Variants in UGGT2 observed in about 807,000 individuals in gnomAD.
The protein encoded by UGGT2 is UDP-glucose glycoprotein glucosyltransferase 2.
Under a neutral mutation model 192.1 loss-of-function variants are expected in UGGT2, and 180 were observed. That is an observed-to-expected ratio of 0.94 (90% CI 0.83 to 1.06). The LOEUF (loss-of-function observed/expected upper bound fraction) is 1.06. Among genes scored for constraint, UGGT2 ranks in the 50% least tolerant of loss-of-function variants. The pLI is 0.00. For synonymous variants in UGGT2, 580 were observed against 591.0 expected (o/e 0.98, Z 0.27); for missense variants, 1,849 against 1,795.7 (o/e 1.03, Z -0.54).
At chr13:96,046,825 T>C (rs1303822102) in intron 1 of UGGT2, among the ~76,000 whole-genome samples, 2 of 152,220 alleles carry the variant, frequency 1.3e-5, no homozygotes, top group African/African-American at 2.4e-5. Flanking sequence ...GATTATATCC[T>C]GCGCATGGCT....
chr13:95,951,831 G>A (rs1020044476), intron 12 of UGGT2, among the ~76,000 whole-genome samples: 1 of 152,082 alleles, frequency 6.6e-6, no homozygotes, highest in Non-Finnish European at 1.5e-5. Flanking sequence ...AGCCTGAGGT[G>A]GGTGGATCAT....
At chr13:95,887,360 C>T in intron 26 of UGGT2, 1 of 498,168 alleles carries the variant, frequency 2.0e-6, no homozygotes. Context: ...GATTCTGATC[C>T]ACAAAGAAGA....
rs1889966236 is a variant in UGGT2 at position 95,859,637 on chromosome 13, G to A, written c.3779C>T (p.Pro1260Leu). Residue 1260 changes from proline (P) to leucine (L), a missense_variant, in exon 33 of 39, where the codon CCA becomes CTA. By Grantham distance (98) the Pro-to-Leu change is moderately conservative (BLOSUM62 -3). Coordinates refer to ENST00000376747, the MANE Select transcript of UGGT2 (RefSeq NM_020121.4). ...MLSVLRNTKTPVKFWLLKNYL... is the reference protein window; with the variant it reads ...MLSVLRNTKTLVKFWLLKNYL... ...ATTTTTTAGCAACCAGAATTTCACT[G>A]GTGTTTTGGTGTTACGCAAAACAGA... 6.2e-7 allele frequency: 1 copy of A among 1,609,918 alleles called. No homozygotes were observed. The highest frequency in any genetic ancestry group is 8.5e-7 in the Non-Finnish European group (1 of 1,177,818).
At chr13:95,908,849 C>A (rs2048379029) in intron 20 of UGGT2, among the ~76,000 whole-genome samples, 1 of 124,696 alleles carries the variant, frequency 8.0e-6, no homozygotes, top group East Asian at 2.2e-4. Context: ...GGATATTAGC[C>A]CTTTGTCAGA....
In UGGT2 at chr13:96,053,300, T is replaced by G; in HGVS notation, c.13A>C (p.Lys5Gln). 1 of 1,579,150 alleles carries G rather than the reference T, an allele frequency of 6.3e-7. No individual in the cohort carries two copies. Among genetic ancestry groups the G allele is most frequent in the South Asian group, 1.1e-5 (1 of 87,520 alleles). ...AGCAGCCGCACCACGTTCGTGGCTTTCGCTGGCGCCATGGCACGGAGAGAA... is the reference window on the plus strand; with the variant it reads ...AGCAGCCGCACCACGTTCGTGGCTTGCGCTGGCGCCATGGCACGGAGAGAA... Reference protein sequence around the residue: MAPAKATNVVRLLLG... With the variant: MAPAQATNVVRLLLG... Residue 5 changes from lysine to glutamine, a missense_variant, in exon 1 of 39, where the codon AAA (lysine) becomes CAA (glutamine). Lys to Gln is a moderately conservative substitution (Grantham distance 53). Coordinates refer to ENST00000376747, the MANE Select transcript of UGGT2 (RefSeq NM_020121.4).
chr13:95,890,901 T>C lies in UGGT2; in HGVS notation c.2919A>G (p.Pro973=), dbSNP rs1594245930. The C allele has an allele frequency of 6.2e-7, 1 of 1,613,090 alleles. No homozygotes were observed. The highest frequency in any genetic ancestry group is 8.5e-7 in the Non-Finnish European group (1 of 1,179,468). ...MFFNVIAIVD[P]LTREAQKMAQ... ...CCATTTTCTGTGCTTCTCTTGTTAA[T>C]GGATCAACAATAGCAATGACATTGA... The change falls in exon 25 of 39, where the codon CCA becomes CCG. Residue 973 remains proline (P), a synonymous_variant. Coordinates refer to ENST00000376747, the MANE Select transcript of UGGT2 (RefSeq NM_020121.4).
At chr13:95,811,568 C>T (rs1884584017) in intron 38 of UGGT2, among the ~76,000 whole-genome samples, 1 of 152,066 alleles carries the variant, frequency 6.6e-6, no homozygotes, top group Admixed American at 6.6e-5. Context: ...TATGAATATA[C>T]TAAAAGCCAT....
chr13:95,910,877 C>A (rs978000435), intron 20 of UGGT2, among the ~76,000 whole-genome samples: 1 of 152,042 alleles, frequency 6.6e-6, no homozygotes, highest in African/African-American at 2.4e-5. Flanking sequence ...ACACAAATCA[C>A]AACAAACTGT....
At position 95,804,638 on chromosome 13, in the gene UGGT2, T is replaced by C. The variant is rs541946690; in HGVS notation, c.4529-2826A>G. ...AATAGAGAGCCCAGAAATAAACTCT[T>C]GTGTATATGATCAATTCATCTTTGA... On this transcript the variant is annotated intron_variant, in intron 38 of 38. Transcript: ENST00000376747. Among the ~76,000 whole-genome samples, 48 of 152,292 alleles carry C rather than the reference T, an allele frequency of 3.2e-4. 1 individual carries two copies. The South Asian group carries it at 9.9e-3, about 32-fold the overall frequency.
At chr13:96,004,861 C>G (rs1323867604) in intron 5 of UGGT2, among the ~76,000 whole-genome samples, 2 of 149,154 alleles carry the variant, frequency 1.3e-5, no homozygotes, top group Admixed American at 1.3e-4. Context: ...TCTCATCTTT[C>G]TCTTTCTTCA....
chr13:96,023,690 T>A lies in UGGT2; in HGVS notation c.311A>T (p.Asn104Ile). ...AGQFLDNLHI[N>I]LLKFAFSIRA... is the part of the protein sequence containing the mutation. ...TATAGAGAAAGCAAACTTTAAAAGG[T>A]TGATGTGTAAATTGTCTAGAAACTG... Residue 104 changes from asparagine (N) to isoleucine (I), a missense_variant, in exon 3 of 39, where the codon AAC becomes ATC. Physicochemically the swap from Asn to Ile is moderately radical, Grantham distance 149 (BLOSUM62 -3). Transcript: ENST00000376747. 6.2e-7 allele frequency: 1 copy of A among 1,612,138 alleles called. No individual in the cohort carries two copies. The highest frequency in any genetic ancestry group is 8.5e-7 in the Non-Finnish European group (1 of 1,178,720).
chr13:95,952,752 G>C (rs1321219858), intron 12 of UGGT2, among the ~76,000 whole-genome samples: 2 of 152,044 alleles, frequency 1.3e-5, no homozygotes, highest in African/African-American at 4.8e-5. Context: ...TATGAGATTA[G>C]GAGACTGACA....
intron 1 of UGGT2, among the ~76,000 whole-genome samples, chr13:96,046,180 C>T (rs999856761): frequency 1.3e-5 from 2 of 152,024 alleles, no homozygotes; most frequent in Non-Finnish European, 2.9e-5. Flanking sequence ...GAAATAAACC[C>T]AAATACTTCC....
rs920731861 is a variant in UGGT2, at chr13:96,042,833, T to C, written c.158+10322A>G. Reference sequence around the variant, plus strand: ...AGACAAAGAAAAAAGGATAATAAAATATGAACAAAGCCTCCAAGAAGTCTG... The same window carrying C: ...AGACAAAGAAAAAAGGATAATAAAACATGAACAAAGCCTCCAAGAAGTCTG... On this transcript the variant is annotated intron_variant, in intron 1 of 38. Coordinates refer to ENST00000376747, the MANE Select transcript of UGGT2 (RefSeq NM_020121.4). 8.5e-5 allele frequency among the ~76,000 whole-genome samples: 13 copies of C among 152,054 alleles called. No homozygotes were observed. In the Middle Eastern group the frequency reaches 0.01, roughly 119 times the overall value.
At chr13:95,925,943 AC>A (rs2049002460) in intron 19 of UGGT2, among the ~76,000 whole-genome samples, 169 bp from the exon 20 acceptor site, 3 of 152,088 alleles carry the variant, frequency 2.0e-5, no homozygotes, top group Admixed American at 2.0e-4. Flanking sequence ...ACGTATATAT[AC>A]ATACAAAAAT....
rs139310816 is a variant in UGGT2, at chr13:95,949,276, C to A, written c.1455+59G>T. 8,367 of 1,352,216 alleles carry A rather than the reference C, an allele frequency of 6.2e-3. 39 individuals carry two copies. The highest frequency in any genetic ancestry group is 7.4e-3 in the Non-Finnish European group (7,646 of 1,033,868). 83.8% of individuals were successfully genotyped at this position (1,352,216 alleles called of 1,614,324 possible). A position where few individuals can be genotyped will look rare whatever the true frequency, so the allele number is the denominator to read the frequency against. ...CCTATTCATTGACAGAAGGATAATC[C>A]AGAAAGAATGCTGATATCTTTATAA... is the stretch of plus-strand genomic sequence containing the variant. On this transcript the variant is annotated intron_variant, in intron 13 of 38. Transcript: ENST00000376747.
At chr13:96,029,782 A>G (rs2052777481) in intron 2 of UGGT2, among the ~76,000 whole-genome samples, 1 of 152,196 alleles carries the variant, frequency 6.6e-6, no homozygotes, top group African/African-American at 2.4e-5. Flanking sequence ...ACTTAAAATG[A>G]ATTTGAAATT....
chr13:95,873,974 C>T (rs1295973732), intron 29 of UGGT2, among the ~76,000 whole-genome samples: 4 of 152,180 alleles, frequency 2.6e-5, no homozygotes, highest in African/African-American at 4.8e-5. Context: ...CCATGAAAGG[C>T]ACACAGTAAA....
chr13:95,902,250 A>C (rs1566662716), intron 21 of UGGT2, among the ~76,000 whole-genome samples: 1 of 152,174 alleles, frequency 6.6e-6, no homozygotes, highest in Non-Finnish European at 1.5e-5. Flanking sequence ...TAATAGTAAA[A>C]TATTCAACAT....
Sources: gnomAD v4.1 joint callset for allele counts (sites outside exome capture counted in the v4.1 genomes callset) on GRCh38, gnomAD v4.1.1 for gene constraint, MANE v1.5 for transcripts, NCBI Gene and HGNC (gene_info 2026-07-23, HGNC 2026-07-21) for gene names.